IMMP2L: variants seen among roughly 807,000 people sequenced by gnomAD.
IMMP2L encodes the protein mitochondrial inner membrane protease subunit 2.
A neutral mutation model predicts 19.3 loss-of-function variants in IMMP2L; 18 were observed. That is an observed-to-expected ratio of 0.93 (90% CI 0.64 to 1.38). The LOEUF is 1.38. IMMP2L is among the 40% of genes most tolerant of loss of function. IMMP2L has a pLI of 0.00. For missense variants in IMMP2L, 233 were observed against 218.2 expected (o/e 1.07, Z -0.43); for synonymous variants, 76 against 73.0 (o/e 1.04, Z -0.21).
chr7:110,691,074 T>C (rs984006829), intron 5 of IMMP2L, among the ~76,000 whole-genome samples: 1 of 152,152 alleles, frequency 6.6e-6, no homozygotes, highest in African/African-American at 2.4e-5. Flanking sequence ...CAAATTATAC[T>C]ACAAGGCTAT....
At chr7:110,880,512 T>C (rs971234357) in intron 5 of IMMP2L, among the ~76,000 whole-genome samples, 1 of 152,122 alleles carries the variant, frequency 6.6e-6, no homozygotes, top group African/African-American at 2.4e-5. Flanking sequence ...ATTTTATAAG[T>C]ATATATCCAT....
At chr7:111,553,514 G>A (rs1790919327) in intron 1 of IMMP2L, among the ~76,000 whole-genome samples, 1 of 152,046 alleles carries the variant, frequency 6.6e-6, no homozygotes, top group Non-Finnish European at 1.5e-5. Flanking sequence ...TATTTTTAAT[G>A]TGCATATCAT....
chr7:110,741,878 T>C (rs1797009886), intron 5 of IMMP2L, among the ~76,000 whole-genome samples: 1 of 152,196 alleles, frequency 6.6e-6, no homozygotes, highest in Non-Finnish European at 1.5e-5. Flanking sequence ...ATTTGGAGAC[T>C]GCTGCTCTAG....
At chr7:111,198,983 A>G (rs1475238245) in intron 3 of IMMP2L, among the ~76,000 whole-genome samples, 1 of 152,144 alleles carries the variant, frequency 6.6e-6, no homozygotes. Context: ...TCAGCTCCCA[A>G]TGTCCTCCCT....
Position 111,317,064 on chromosome 7 carries a change from G to T in IMMP2L, c.239+170174C>A, listed in dbSNP as rs1053414445. ...GGGGTTTCACCATGTTGGCCAGAAT[G>T]GTCTCGATCTCCTGACCTCGTGATC... is the stretch of plus-strand genomic sequence containing the variant. On this transcript the variant is annotated intron_variant, in intron 3 of 5. Transcript: ENST00000405709. Among the ~76,000 whole-genome samples, 18 of 151,838 alleles carry T rather than the reference G, an allele frequency of 1.2e-4. 1 individual carries two copies. The highest frequency in any genetic ancestry group is 4.4e-4 in the African/African-American group (18 of 41,354).
chr7:111,554,372 GAAGA>G (rs1390003976), intron 1 of IMMP2L, among the ~76,000 whole-genome samples: 3 of 151,986 alleles, frequency 2.0e-5, no homozygotes, highest in African/African-American at 4.8e-5. Context: ...CGCAGAACAA[GAAGA>G]AAGGGAAGAT....
chr7:111,125,569 T>G lies in IMMP2L; in HGVS notation c.240-162004A>C, dbSNP rs150716973. 54 of 159,968 alleles carry G rather than the reference T, an allele frequency of 3.4e-4. 2 individuals carry two copies. The highest frequency in any genetic ancestry group is 1.5e-5 in the Non-Finnish European group (1 of 68,080). 9.9% of individuals were successfully genotyped at this position (159,968 alleles called of 1,614,324 possible). ...TTCTTGGGTGATGGGACTACCTACA[T>G]TTTTATAAAGCCTCAAATATGGATT... On this transcript the variant is annotated intron_variant, in intron 3 of 5. Transcript: ENST00000405709.
At chr7:110,737,255 A>G (rs903685280) in intron 5 of IMMP2L, among the ~76,000 whole-genome samples, 11 of 152,096 alleles carry the variant, frequency 7.2e-5, no homozygotes, top group Non-Finnish European at 1.5e-4. Context: ...TAATTTCTCA[A>G]TGGGGAGGTT....
chr7:111,035,999 A>C (rs1791307868), intron 3 of IMMP2L, among the ~76,000 whole-genome samples: 1 of 152,198 alleles, frequency 6.6e-6, no homozygotes, highest in Non-Finnish European at 1.5e-5. Flanking sequence ...TAATGAATGC[A>C]ATGTGCTTAA....
At position 111,123,501 on chromosome 7, in the gene IMMP2L, T is replaced by C. The variant is rs1800905310; in HGVS notation, c.240-159936A>G. ...TGGAAAACTTAGAAAGCATCTCTTT[T>C]TACGATAACAGGCTTATTAAAGTAC... is the stretch of plus-strand genomic sequence containing the variant. On this transcript the variant is annotated intron_variant, in intron 3 of 5. Transcript: ENST00000405709. This position sits in a 1 kb window ranked among gnomAD's most constrained non-coding sequence, Gnocchi z 6.4. 6.2e-7 allele frequency: 1 copy of C among 1,613,728 alleles called. No individual in the cohort carries two copies. The highest frequency in any genetic ancestry group is 8.5e-7 in the Non-Finnish European group (1 of 1,179,950).
chr7:111,031,381 GGTGTGTGT>G (rs1554496351), intron 3 of IMMP2L, among the ~76,000 whole-genome samples: 2 of 72,590 alleles, frequency 2.8e-5, no homozygotes, highest in Non-Finnish European at 5.8e-5. Flanking sequence ...GGGGTGTAGG[GGTGTGTGT>G]GTGTGTGTGT....
chr7:110,805,021 C>T (rs1245888225), intron 5 of IMMP2L, among the ~76,000 whole-genome samples: 1 of 152,050 alleles, frequency 6.6e-6, no homozygotes, highest in African/African-American at 2.4e-5. Flanking sequence ...ATGTCCTTCA[C>T]GATACTGAAC....
intron 3 of IMMP2L, among the ~76,000 whole-genome samples, chr7:111,179,995 G>C (rs1807524658): frequency 6.6e-6 from 1 of 151,870 alleles, no homozygotes; most frequent in Non-Finnish European, 1.5e-5. Context: ...TTAGGGCTTT[G>C]CTGTGGATTA....
chr7:111,510,416 A>T (rs1380644819), intron 2 of IMMP2L, among the ~76,000 whole-genome samples: 1 of 152,120 alleles, frequency 6.6e-6, no homozygotes, highest in Non-Finnish European at 1.5e-5. Context: ...ATTGATACAG[A>T]TATCAAAATC....
chr7:110,712,977 A>G (rs112104822), intron 5 of IMMP2L, among the ~76,000 whole-genome samples: 29 of 150,834 alleles, frequency 1.9e-4, no homozygotes, highest in East Asian at 5.9e-4. Context: ...CTTCTGCGTC[A>G]CTCACGCTGG....
At chr7:111,350,350 CATAT>C (rs35448482) in intron 3 of IMMP2L, among the ~76,000 whole-genome samples, 3,859 of 147,220 alleles carry the variant, frequency 0.026, 175 homozygotes, top group African/African-American at 0.089. Context: ...TGCATATATA[CATAT>C]ATATATATAT....
chr7:110,729,225 A>T (rs11974064), intron 5 of IMMP2L, among the ~76,000 whole-genome samples: 50 of 152,096 alleles, frequency 3.3e-4, no homozygotes, highest in Non-Finnish European at 6.0e-4. Flanking sequence ...ACTACTGGAG[A>T]CTGGGTAATT....
intron 5 of IMMP2L, among the ~76,000 whole-genome samples, chr7:110,804,588 G>A (rs1422348603): frequency 6.6e-6 from 1 of 152,038 alleles, no homozygotes; most frequent in Non-Finnish European, 1.5e-5. Context: ...AGCTCAGCTA[G>A]GGACTACATT....
At chr7:110,969,643 T>C (rs930971523) in intron 3 of IMMP2L, among the ~76,000 whole-genome samples, 39 of 152,248 alleles carry the variant, frequency 2.6e-4, no homozygotes, top group Admixed American at 1.0e-3. Flanking sequence ...AGGCAGGGGC[T>C]GAAGATTTTT....
Sources: gnomAD v4.1 joint callset for allele counts (sites outside exome capture counted in the v4.1 genomes callset) on GRCh38, gnomAD v4.1.1 for gene constraint, Gnocchi (gnomAD v3.1) non-coding constraint, MANE v1.5 for transcripts, NCBI Gene and HGNC (gene_info 2026-07-23, HGNC 2026-07-21) for gene names.